ANO10: variants seen among roughly 807,000 people sequenced by gnomAD.
ANO10 encodes the protein anoctamin 10, also known as anoctamin-10.
Under a neutral mutation model 74.7 loss-of-function variants are expected in ANO10, and 77 were observed. The ratio of observed to expected loss-of-function variants is 1.03; its 90% confidence interval spans 0.86 to 1.25. ANO10 has a LOEUF of 1.25. ANO10 is among the 50% of genes most tolerant of loss of function. ANO10 has a pLI of 0.00. For synonymous variants in ANO10, 279 were observed against 284.9 expected (o/e 0.98, Z 0.21); for missense variants, 721 against 778.1 (o/e 0.93, Z 0.87).
chr3:43,400,987 ATGG>A (rs2092471236), intron 12 of ANO10, among the ~76,000 whole-genome samples: 1 of 152,152 alleles, frequency 6.6e-6, no homozygotes, highest in Non-Finnish European at 1.5e-5. Context: ...CTCTTTCATG[ATGG>A]ACTTTAGTCT....
chr3:43,688,894 G>GT (rs1456851323), intron 1 of ANO10, among the ~76,000 whole-genome samples: 2 of 151,774 alleles, frequency 1.3e-5, no homozygotes, highest in Admixed American at 6.6e-5. Flanking sequence ...TATAAAGAAA[G>GT]GTTAATTGGC....
At chr3:43,642,048 T>C (rs2083675271) in intron 1 of ANO10, among the ~76,000 whole-genome samples, 1 of 152,228 alleles carries the variant, frequency 6.6e-6, no homozygotes, top group African/African-American at 2.4e-5. Context: ...TTCTCCTTAC[T>C]GGTGAGAAAT....
intron 12 of ANO10, among the ~76,000 whole-genome samples, chr3:43,417,685 G>A (rs1260366059): frequency 6.6e-6 from 1 of 152,166 alleles, no homozygotes; most frequent in Non-Finnish European, 1.5e-5. Context: ...TTTATTTAAA[G>A]TCAAACATAA....
intron 1 of ANO10, among the ~76,000 whole-genome samples, chr3:43,684,526 T>C (rs1017796858): frequency 4.2e-4 from 64 of 152,324 alleles, no homozygotes; most frequent in African/African-American, 1.5e-3. Context: ...AGTGTGGTGA[T>C]TCCTCAGGGA....
intron 11 of ANO10, among the ~76,000 whole-genome samples, chr3:43,434,598 T>C (rs1399781775): frequency 6.6e-6 from 1 of 152,168 alleles, no homozygotes; most frequent in Non-Finnish European, 1.5e-5. Context: ...CCATCTCTCC[T>C]AATAAATCTG....
intron 11 of ANO10, among the ~76,000 whole-genome samples, chr3:43,471,467 G>A (rs1045113026): frequency 6.6e-5 from 10 of 152,122 alleles, no homozygotes; most frequent in African/African-American, 2.2e-4. Context: ...GCGTCTGGGT[G>A]AACATCAAGG....
intron 7 of ANO10, among the ~76,000 whole-genome samples, chr3:43,572,644 A>T (rs2149388650): frequency 6.6e-6 from 1 of 152,292 alleles, no homozygotes; most frequent in Non-Finnish European, 1.5e-5. Flanking sequence ...TGCCACAAAA[A>T]GTGCCATCTC....
At chr3:43,676,128 C>T (rs1029862134) in intron 1 of ANO10, among the ~76,000 whole-genome samples, 16 of 152,074 alleles carry the variant, frequency 1.1e-4, no homozygotes, top group African/African-American at 3.6e-4. Flanking sequence ...CAATTTTAAT[C>T]TCCAAATAAT....
rs115004167 is a variant in ANO10 at position 43,655,108 on chromosome 3, A to C, written c.-12+36409T>G. Among the ~76,000 whole-genome samples, 687 of 152,346 alleles carry C rather than the reference A, an allele frequency of 4.5e-3. 4 individuals are homozygous for C. Among genetic ancestry groups the C allele is most frequent in the Non-Finnish European group, 7.6e-3 (517 of 68,030 alleles). ...TTTCCTTTTACACGTATACACAGTAAAACTAGAGGGAAATTTCTTTTAATG... is the reference window on the plus strand; with the variant it reads ...TTTCCTTTTACACGTATACACAGTACAACTAGAGGGAAATTTCTTTTAATG... On this transcript the variant is annotated intron_variant, in intron 1 of 3. Transcript: ENST00000413397.
intron 1 of ANO10, among the ~76,000 whole-genome samples, chr3:43,681,494 C>CG (rs1479643254): frequency 6.6e-6 from 1 of 151,250 alleles, no homozygotes; most frequent in East Asian, 1.9e-4. Flanking sequence ...ACTTTTACAC[C>CG]CACCGTCAAC....
chr3:43,620,855 T>C (rs1417844303), intron 1 of ANO10, among the ~76,000 whole-genome samples: 1 of 152,252 alleles, frequency 6.6e-6, no homozygotes, highest in African/African-American at 2.4e-5. Context: ...TCCATTATTT[T>C]AGATCTTTCA....
At chr3:43,495,223 TA>T (rs956703202) in intron 11 of ANO10, among the ~76,000 whole-genome samples, 1 of 151,766 alleles carries the variant, frequency 6.6e-6, no homozygotes, top group Non-Finnish European at 1.5e-5. Flanking sequence ...AAAATAATTT[TA>T]AAAAAACAAA....
At chr3:43,484,879 C>A (rs1388331573) in intron 11 of ANO10, 3 of 604,026 alleles carry the variant, frequency 5.0e-6, no homozygotes, top group Non-Finnish European at 5.7e-6. Context: ...ACAGGCATGA[C>A]CAATTGTCTA....
intron 12 of ANO10, among the ~76,000 whole-genome samples, chr3:43,376,343 T>TGGG (rs894694410): frequency 6.6e-6 from 1 of 152,170 alleles, no homozygotes; most frequent in African/African-American, 2.4e-5. Context: ...AACAGTGGGC[T>TGGG]GGGGGTGTCC....
Position 43,609,594 on chromosome 3 carries a change from C to A in ANO10, c.-11-3731G>T, listed in dbSNP as rs546911232. Among the ~76,000 whole-genome samples, 7 of 152,308 alleles carry A rather than the reference C, an allele frequency of 4.6e-5. 1 individual carries two copies. The South Asian group carries it at 1.5e-3, about 32-fold the overall frequency. ...CAGTTCTGAGAAATGGGCAGTTTCA[C>A]TGTTGTGGAAACATCATAGAGTGTA... On this transcript the variant is annotated intron_variant, in intron 1 of 12. Transcript: ENST00000292246.
chr3:43,508,849 C>T (rs1047196298), intron 11 of ANO10, among the ~76,000 whole-genome samples: 24 of 145,316 alleles, frequency 1.7e-4, no homozygotes, highest in African/African-American at 5.6e-4. Flanking sequence ...ATGTAAATGA[C>T]GAGTTAATGG....
intron 12 of ANO10, among the ~76,000 whole-genome samples, chr3:43,394,346 T>C (rs1307263201): frequency 6.6e-6 from 1 of 152,140 alleles, no homozygotes; most frequent in Non-Finnish European, 1.5e-5. Context: ...CTATCCTCTA[T>C]GGGAAAACCT....
At chr3:43,563,270 C>T (rs1440514049) in intron 8 of ANO10, among the ~76,000 whole-genome samples, 1 of 152,118 alleles carries the variant, frequency 6.6e-6, no homozygotes, top group African/African-American at 2.4e-5. Context: ...AATGAGATAT[C>T]ATCCTACTCC....
intron 1 of ANO10, chr3:43,690,828 G>C: frequency 1.7e-6 from 1 of 593,940 alleles, no homozygotes. Flanking sequence ...CCGGAGGCAA[G>C]GCCGCGCACG....
Sources: allele counts gnomAD v4.1 joint callset (sites outside exome capture counted in the v4.1 genomes callset), GRCh38; gene constraint gnomAD v4.1.1; transcripts MANE v1.5; gene names NCBI Gene and HGNC (gene_info 2026-07-23, HGNC 2026-07-21).